ARHGAP18: variants seen among roughly 807,000 people sequenced by gnomAD.
ARHGAP18 encodes Rho GTPase activating protein 18, also known as rho GTPase-activating protein 18.
In ARHGAP18, 67 loss-of-function variants were observed where a neutral mutation model predicts 86.2. That is an observed-to-expected ratio of 0.78 (90% CI 0.64 to 0.95). The LOEUF (loss-of-function observed/expected upper bound fraction) is 0.95. Among genes scored for constraint, ARHGAP18 ranks in the 40% least tolerant of loss-of-function variants. The pLI is 0.00. For synonymous variants in ARHGAP18, 283 were observed against 280.4 expected (o/e 1.01, Z -0.09); for missense variants, 691 against 780.4 (o/e 0.89, Z 1.37).
intron 8 of ARHGAP18, 46 bp downstream of exon 8, chr6:129,611,487 G>T: frequency 6.5e-7 from 1 of 1,539,964 alleles, no homozygotes; most frequent in Non-Finnish European, 9.0e-7. Flanking sequence ...ATGCATAAGT[G>T]TAAATAAACA....
chr6:129,646,632 A>G (rs1222240303), intron 1 of ARHGAP18, among the ~76,000 whole-genome samples: 2 of 152,166 alleles, frequency 1.3e-5, no homozygotes, highest in African/African-American at 2.4e-5. Flanking sequence ...TCAAATAAAA[A>G]TAGTGAGATG....
chr6:129,676,913 CTCTTTTTTTT>C (rs1357475393), intron 1 of ARHGAP18, among the ~76,000 whole-genome samples: 4 of 34,566 alleles, frequency 1.2e-4, no homozygotes, highest in African/African-American at 2.5e-4. Flanking sequence ...ATTTTTTGTC[CTCTTTTTTTT>C]TTTTTTTTTT....
chr6:129,585,461 T>C (rs1788378215), intron 12 of ARHGAP18, among the ~76,000 whole-genome samples: 1 of 152,068 alleles, frequency 6.6e-6, no homozygotes, highest in Non-Finnish European at 1.5e-5. Context: ...ATATCAGAGA[T>C]TTAGTGTGGG....
intron 1 of ARHGAP18, among the ~76,000 whole-genome samples, chr6:129,687,797 TTAAG>T (rs1305591046): frequency 6.6e-6 from 1 of 151,962 alleles, no homozygotes; most frequent in Non-Finnish European, 1.5e-5. Context: ...ACATTTTTTT[TTAAG>T]TTATTTCCAG....
At chr6:129,676,425 C>G (rs2114532808) in intron 1 of ARHGAP18, among the ~76,000 whole-genome samples, 1 of 152,218 alleles carries the variant, frequency 6.6e-6, no homozygotes, top group Admixed American at 6.5e-5. Context: ...TGAATCTTCA[C>G]TAGTATATGA....
intron 1 of ARHGAP18, among the ~76,000 whole-genome samples, chr6:129,696,980 G>T (rs1474207741): frequency 1.3e-5 from 2 of 152,128 alleles, no homozygotes; most frequent in Non-Finnish European, 2.9e-5. Context: ...AATCTAGGTT[G>T]GCCTATGATT....
intron 1 of ARHGAP18, among the ~76,000 whole-genome samples, chr6:129,704,680 C>T (rs1774775268): frequency 6.6e-6 from 1 of 152,140 alleles, no homozygotes; most frequent in Non-Finnish European, 1.5e-5. Flanking sequence ...CAACTGAAAC[C>T]CTGGCCCAAA....
At chr6:129,580,786 G>T (rs2114423933) in intron 13 of ARHGAP18, among the ~76,000 whole-genome samples, 1 of 152,064 alleles carries the variant, frequency 6.6e-6, no homozygotes, top group Non-Finnish European at 1.5e-5. Flanking sequence ...GAGGTGGGAG[G>T]ACTGCTTGAG....
chr6:129,623,649 C>T (rs1410323978), intron 5 of ARHGAP18, among the ~76,000 whole-genome samples: 1 of 152,108 alleles, frequency 6.6e-6, no homozygotes, highest in Non-Finnish European at 1.5e-5. Context: ...TAGACACCTG[C>T]CTCAGAGTAG....
chr6:129,610,494 T>C (rs566512922), intron 8 of ARHGAP18, among the ~76,000 whole-genome samples: 1 of 152,330 alleles, frequency 6.6e-6, no homozygotes, highest in Admixed American at 6.5e-5. Flanking sequence ...CAGGCTACCC[T>C]GGATGCAGCA....
At chr6:129,630,787 G>A (rs960448191) in intron 4 of ARHGAP18, among the ~76,000 whole-genome samples, 1 of 152,152 alleles carries the variant, frequency 6.6e-6, no homozygotes, top group Non-Finnish European at 1.5e-5. Context: ...TTAATGCTCT[G>A]CTGTTACATC....
At chr6:129,629,277 G>T in intron 5 of ARHGAP18, 76 bp downstream of exon 5, 1 of 1,223,850 alleles carries the variant, frequency 8.2e-7, no homozygotes, top group Non-Finnish European at 1.2e-6. Flanking sequence ...GTGTGCGTGT[G>T]TGTGTATGTA....
chr6:129,664,301 C>T (rs535196867), intron 1 of ARHGAP18, among the ~76,000 whole-genome samples: 1 of 152,174 alleles, frequency 6.6e-6, no homozygotes, highest in South Asian at 2.1e-4. Flanking sequence ...GATTGTGGTC[C>T]TTCCTTTATC....
At chr6:129,610,949 T>A (rs888512876) in intron 8 of ARHGAP18, among the ~76,000 whole-genome samples, 1 of 151,978 alleles carries the variant, frequency 6.6e-6, no homozygotes, top group African/African-American at 2.4e-5. Flanking sequence ...CAGGCTGGAG[T>A]GCAGTGGGAC....
rs540031714 is a variant in ARHGAP18, at chr6:129,635,026, G to A, written c.553-921C>T. ...GCCCAAGGAACGGGGCCTTCCAAAG[G>A]TTTATGGAGATGGTAAACCATGGCC... On this transcript the variant is annotated intron_variant, in intron 3 of 14. Transcript: ENST00000368149. Among the ~76,000 whole-genome samples the A allele has an allele frequency of 5.9e-5, 9 of 152,288 alleles. No individual in the cohort carries two copies. The East Asian group carries it at 1.5e-3, about 26-fold the overall frequency.
At chr6:129,642,062 A>G in intron 1 of ARHGAP18, 44 bp from the exon 2 acceptor site, 1 of 1,566,390 alleles carries the variant, frequency 6.4e-7, no homozygotes, top group Non-Finnish European at 8.8e-7. Context: ...GTACAAAAGG[A>G]AGCAGTATAA....
intron 2 of ARHGAP18, 109 bp from the exon 3 acceptor site, chr6:129,638,738 A>G: frequency 1.0e-6 from 1 of 954,638 alleles, no homozygotes; most frequent in Non-Finnish European, 1.6e-6. Flanking sequence ...ACCAAACCAC[A>G]GTGCTAAGAA....
chr6:129,704,990 T>C (rs1259259662), intron 1 of ARHGAP18, among the ~76,000 whole-genome samples: 1 of 152,232 alleles, frequency 6.6e-6, no homozygotes, highest in Non-Finnish European at 1.5e-5. Context: ...TTATGGCTTC[T>C]ACACTCTCTA....
chr6:129,679,248 TTCAA>T (rs1359867871), intron 1 of ARHGAP18, among the ~76,000 whole-genome samples: 1 of 152,234 alleles, frequency 6.6e-6, no homozygotes, highest in Non-Finnish European at 1.5e-5. Flanking sequence ...ATATTGATTC[TTCAA>T]TCAGTCTAAA....
Sources: gnomAD v4.1 joint callset for allele counts (sites outside exome capture counted in the v4.1 genomes callset) on GRCh38, gnomAD v4.1.1 for gene constraint, MANE v1.5 for transcripts, NCBI Gene and HGNC (gene_info 2026-07-23, HGNC 2026-07-21) for gene names.